ALX4: variants seen among roughly 807,000 people sequenced by gnomAD.
ALX4 encodes the protein homeobox protein aristaless-like 4.
Under a neutral mutation model 40.6 loss-of-function variants are expected in ALX4, and 22 were observed. That is an observed-to-expected ratio of 0.54 (90% CI 0.39 to 0.77). The LOEUF (loss-of-function observed/expected upper bound fraction) is 0.77, where lower values mean the gene tolerates loss of function less well. Among genes scored for constraint, ALX4 ranks in the 30% least tolerant of loss-of-function variants. The pLI, the probability that ALX4 is intolerant of heterozygous loss-of-function variation, is 0.00. For missense variants in ALX4, 556 were observed against 564.8 expected (o/e 0.98, Z 0.16); for synonymous variants, 266 against 240.5 (o/e 1.11, Z -0.98).
rs1956179032 is a variant in ALX4 at position 44,260,999 on chromosome 11, A to G, written c.*3855T>C. 1 of 152,256 alleles carries G rather than the reference A, an allele frequency of 6.6e-6. No individual in the cohort carries two copies. Among genetic ancestry groups the G allele is most frequent in the African/African-American group, 2.4e-5 (1 of 41,456 alleles). 9.4% of individuals were successfully genotyped at this position (152,256 alleles called of 1,614,324 possible). On this transcript the variant is annotated 3_prime_UTR_variant, in exon 4 of 4. Transcript: ENST00000652299. The stretch of plus-strand genomic sequence containing the variant: ...ATGTGTGTGAGTGAAGAGGGAAGAA[A>G]GGAGAGGCCGAGGTTAGGTCATGGA...
At chr11:44,279,101 C>T (rs4755806) in intron 1 of ALX4, among the ~76,000 whole-genome samples, 4 of 152,154 alleles carry the variant, frequency 2.6e-5, no homozygotes, top group Admixed American at 6.5e-5. Flanking sequence ...GTCCACCTCT[C>T]GCCACCCTGC....
At chr11:44,291,770 CCAA>C (rs1241008352) in intron 1 of ALX4, among the ~76,000 whole-genome samples, 2 of 152,160 alleles carry the variant, frequency 1.3e-5, no homozygotes, top group Non-Finnish European at 2.9e-5. Context: ...GCTGCTTTCA[CCAA>C]CATCAAATCT....
intron 1 of ALX4, among the ~76,000 whole-genome samples, chr11:44,283,827 G>A (rs1348991640): frequency 6.6e-6 from 1 of 152,154 alleles, no homozygotes; most frequent in East Asian, 1.9e-4. Context: ...GTCTCCCAAA[G>A]TGCTGGGATT....
chr11:44,270,294 A>G (rs914383172), intron 2 of ALX4, among the ~76,000 whole-genome samples: 3 of 152,128 alleles, frequency 2.0e-5, no homozygotes, highest in African/African-American at 7.2e-5. Flanking sequence ...CAGGAGTGGA[A>G]GAAGGTCAGG....
At chr11:44,282,408 G>A (rs544489190) in intron 1 of ALX4, among the ~76,000 whole-genome samples, 85 of 152,238 alleles carry the variant, frequency 5.6e-4, no homozygotes, top group Admixed American at 3.2e-3. Flanking sequence ...ACACTTGGGC[G>A]GTGTCTTATC....
At chr11:44,279,401 T>C (rs912603572) in intron 1 of ALX4, among the ~76,000 whole-genome samples, 1 of 152,108 alleles carries the variant, frequency 6.6e-6, no homozygotes, top group Admixed American at 6.5e-5. Context: ...GTGGCAGGGA[T>C]GATATGAGGA....
At chr11:44,269,422 A>G (rs1286854389) in intron 2 of ALX4, among the ~76,000 whole-genome samples, 1 of 152,192 alleles carries the variant, frequency 6.6e-6, no homozygotes, top group Non-Finnish European at 1.5e-5. Flanking sequence ...TGTTACTGTG[A>G]GGAGGGTGGG....
intron 1 of ALX4, among the ~76,000 whole-genome samples, chr11:44,279,177 G>A (rs935390207): frequency 2.6e-5 from 4 of 152,114 alleles, no homozygotes; most frequent in Non-Finnish European, 5.9e-5. Context: ...CAGGACAGCA[G>A]AACTACTCAT....
chr11:44,261,924 T>TC lies in ALX4; in HGVS notation c.*2929dup. On this transcript the variant is annotated 3_prime_UTR_variant, in exon 4 of 4. Transcript: ENST00000652299. Reference sequence around the variant, plus strand: ...GCAGCTGCCCTGACTTGCTCAGTCATCCTAGGAGCTGACACGGCAGTGGCC... The same window carrying TC: ...GCAGCTGCCCTGACTTGCTCAGTCATCCCTAGGAGCTGACACGGCAGTGGCC... The TC allele has an allele frequency of 6.6e-6, 1 of 152,372 alleles. No individual in the cohort carries two copies. Among genetic ancestry groups the TC allele is most frequent in the East Asian group, 1.9e-4 (1 of 5,186 alleles). 9.4% of individuals were successfully genotyped at this position (152,372 alleles called of 1,614,324 possible).
Position 44,310,008 on chromosome 11 carries a change from C to T in ALX4, c.55G>A (p.Ala19Thr). The change falls in exon 1 of 4, where the codon GCC (alanine) becomes ACC (threonine). Residue 19 changes from alanine (A) to threonine (T), a missense_variant. By Grantham distance (58) the Ala-to-Thr change is moderately conservative. Coordinates refer to ENST00000652299, the MANE Select transcript of ALX4 (RefSeq NM_021926.4). Reference protein sequence around the residue: ...YCESPAAAMDAYYSPVSQSRE... With the variant: ...YCESPAAAMDTYYSPVSQSRE... ...CTCTGCGACACCGGGCTGTAGTAGG[C>T]GTCCATGGCAGCGGCCGGCGACTCG... The T allele has an allele frequency of 6.2e-7, 1 of 1,603,830 alleles. No homozygotes were observed.
chr11:44,292,444 T>C (rs1956375534), intron 1 of ALX4, among the ~76,000 whole-genome samples: 1 of 142,008 alleles, frequency 7.0e-6, no homozygotes, highest in Non-Finnish European at 1.5e-5. Context: ...GGTCTCAAAC[T>C]CCTGGATTCA....
At chr11:44,280,921 C>T (rs1404938632) in intron 1 of ALX4, among the ~76,000 whole-genome samples, 1 of 152,226 alleles carries the variant, frequency 6.6e-6, no homozygotes, top group Non-Finnish European at 1.5e-5. Flanking sequence ...GCTGTCGTTT[C>T]TAGTGCTGGG....
intron 1 of ALX4, among the ~76,000 whole-genome samples, chr11:44,283,752 C>CG (rs1471485978): frequency 6.6e-6 from 1 of 152,108 alleles, no homozygotes; most frequent in Admixed American, 6.6e-5. Context: ...TTAGTAGAGA[C>CG]GGGGTTTCCT....
Position 44,310,124 on chromosome 11 carries a change from C to T in ALX4, c.-62G>A. Reference sequence around the variant, plus strand: ...GAGGGCGCGAGGACGCCACCGCGCGCCTTGGCTGGGAGTTTGGGGAGGCGA... The same window carrying T: ...GAGGGCGCGAGGACGCCACCGCGCGTCTTGGCTGGGAGTTTGGGGAGGCGA... On this transcript the variant is annotated 5_prime_UTR_variant, in exon 1 of 4. Coordinates refer to ENST00000652299, the MANE Select transcript of ALX4 (RefSeq NM_021926.4). The T allele has an allele frequency of 2.0e-6, 3 of 1,515,454 alleles. No homozygotes were observed. The highest frequency in any genetic ancestry group is 2.7e-6 in the Non-Finnish European group (3 of 1,128,788). The allele number at this position is 1,515,454 out of a possible 1,614,324, so 93.9% of individuals were successfully genotyped here.
At chr11:44,298,142 C>T (rs1956414201) in intron 1 of ALX4, among the ~76,000 whole-genome samples, 1 of 152,230 alleles carries the variant, frequency 6.6e-6, no homozygotes, top group Non-Finnish European at 1.5e-5. Flanking sequence ...GCCAGGCGCA[C>T]ACTCCTCCAT....
intron 2 of ALX4, 120 bp downstream of exon 2, chr11:44,275,228 G>T: frequency 1.9e-6 from 2 of 1,039,496 alleles, no homozygotes; most frequent in Non-Finnish European, 1.5e-6. Context: ...GGTTCTCAAT[G>T]AACTGAGGAA....
At position 44,275,586 on chromosome 11, in the gene ALX4, A is replaced by T; in HGVS notation, c.539T>A (p.Leu180Gln). The T allele has an allele frequency of 6.2e-7, 1 of 1,613,980 alleles. No individual in the cohort carries two copies. Among genetic ancestry groups the T allele is most frequent in the Non-Finnish European group, 8.5e-7 (1 of 1,179,932 alleles). ...SDTVGMDSSY[L>Q]SVKEAGVKGP... ...CTTCACCCCAGCCTCCTTGACACTC[A>T]GGTAGCTGCTGTCCATCCCCACAGT... Residue 180 changes from leucine (L) to glutamine (Q), a missense_variant, in exon 2 of 4, where the codon CTG (leucine) becomes CAG (glutamine). Coordinates refer to ENST00000652299, the MANE Select transcript of ALX4 (RefSeq NM_021926.4).
chr11:44,294,537 G>T (rs1324890224), intron 1 of ALX4, among the ~76,000 whole-genome samples: 1 of 152,216 alleles, frequency 6.6e-6, no homozygotes, highest in Non-Finnish European at 1.5e-5. Context: ...GGCCTGGGTG[G>T]CCTTTGTCCC....
chr11:44,302,617 G>A (rs911758167), intron 1 of ALX4, among the ~76,000 whole-genome samples: 13 of 152,202 alleles, frequency 8.5e-5, no homozygotes, highest in Admixed American at 3.9e-4. Context: ...AGTGGACACA[G>A]GGGCCATGAG....
Sources: allele counts gnomAD v4.1 joint callset (sites outside exome capture counted in the v4.1 genomes callset), GRCh38; gene constraint gnomAD v4.1.1; transcripts MANE v1.5; gene names NCBI Gene and HGNC (gene_info 2026-07-23, HGNC 2026-07-21).